The following ZKSCAN2 variants were observed in gnomAD, a reference collection of about 807,000 sequenced individuals.
ZKSCAN2 encodes zinc finger with KRAB and SCAN domains 2.
In ZKSCAN2, 38 loss-of-function variants were observed where a neutral mutation model predicts 90.5. The ratio of observed to expected loss-of-function variants is 0.42; its 90% CI spans 0.32 to 0.55. The LOEUF is 0.55. Among genes scored for constraint, ZKSCAN2 ranks in the 20% least tolerant of loss-of-function variants. The pLI is 0.11. For synonymous variants in ZKSCAN2, 429 were observed against 421.6 expected, an observed-to-expected ratio of 1.02 and a Z score of -0.22; for missense variants, 1,167 against 1,202.6, an observed-to-expected ratio of 0.97 and a Z score of 0.44.
intron 4 of ZKSCAN2, 69 bp downstream of exon 4, chr16:25,251,840 T>G: frequency 1.9e-6 from 3 of 1,552,838 alleles, no homozygotes; most frequent in African/African-American, 1.4e-5. Context: ...CTGCCTATCT[T>G]CTAATCAGTA....
intron 6 of ZKSCAN2, among the ~76,000 whole-genome samples, chr16:25,241,299 C>T (rs1415474248): frequency 2.0e-5 from 3 of 152,216 alleles, no homozygotes; most frequent in Non-Finnish European, 2.9e-5. Flanking sequence ...ACTCTTTTCA[C>T]CTACATCCCA....
At chr16:25,256,588 G>A in intron 1 of ZKSCAN2, 141 bp downstream of exon 1, 7 of 832,290 alleles carry the variant, frequency 8.4e-6, no homozygotes, top group Non-Finnish European at 1.3e-5. Flanking sequence ...CACTTAAAGT[G>A]AAAAGACCCC....
rs747699075 is a variant in ZKSCAN2 at position 25,240,500 on chromosome 16, C to T, written c.2220G>A (p.Arg740=). Residue 740 remains arginine, a synonymous_variant, in exon 7 of 7, where the codon AGG becomes AGA. Coordinates refer to ENST00000328086, the MANE Select transcript of ZKSCAN2 (RefSeq NM_001012981.5). ...RDLGKAVVHQ[R]PFVGKRPYRL... is the part of the protein sequence containing the mutation. ...TGTAGGGTCTCTTCCCCACAAAAGG[C>T]CTCTGATGCACAACGGCTTTCCCTA... The T allele has an allele frequency of 2.5e-6, 4 of 1,614,146 alleles. No individual in the cohort carries two copies. The East Asian group carries it at 6.7e-5, about 27-fold the overall frequency.
At chr16:25,244,863 T>C (rs1291832786) in intron 5 of ZKSCAN2, among the ~76,000 whole-genome samples, 4 of 152,238 alleles carry the variant, frequency 2.6e-5, no homozygotes, top group Admixed American at 2.6e-4. Flanking sequence ...ATGTTCTGCA[T>C]TTATAGCAGA....
In ZKSCAN2 at chr16:25,247,373, ATG is replaced by A; in HGVS notation, c.821_822del (p.Thr274IlefsTer2). The A allele has an allele frequency of 6.2e-7, 1 of 1,608,058 alleles. No homozygotes were observed. Among genetic ancestry groups the A allele is most frequent in the Non-Finnish European group, 8.5e-7 (1 of 1,179,006 alleles). ...TGTTCCAACCGGGTTATCTTGTTAG[ATG>A]TAGACACTGCACTTCCTACAGTAAA... The part of the protein sequence containing the change: ...NVVSLGSAVS[T>X]SNKITRLEQR... On this transcript the variant is annotated frameshift_variant, in exon 5 of 7. Transcript: ENST00000328086. LOFTEE classifies it high-confidence loss of function.
At chr16:25,251,803 A>G (rs1963024939) in intron 4 of ZKSCAN2, 106 bp downstream of exon 4, 2 of 1,352,268 alleles carry the variant, frequency 1.5e-6, no homozygotes. Context: ...CAATCCTTAG[A>G]GATCCTTTAA....
chr16:25,255,756 T>G (rs1963092183), intron 1 of ZKSCAN2, among the ~76,000 whole-genome samples: 1 of 152,122 alleles, frequency 6.6e-6, no homozygotes, highest in Non-Finnish European at 1.5e-5. Flanking sequence ...TAATTTTATA[T>G]TTTTTTAGTA....
chr16:25,252,921 GA>G (rs750316662), intron 3 of ZKSCAN2, 24 bp downstream of exon 3: 61 of 1,589,200 alleles, frequency 3.8e-5, no homozygotes, highest in Non-Finnish European at 4.9e-5. Flanking sequence ...CCATCTCAAA[GA>G]AAAAAAAGAC....
chr16:25,249,061 T>A (rs565559868), intron 4 of ZKSCAN2, among the ~76,000 whole-genome samples: 1 of 152,268 alleles, frequency 6.6e-6, no homozygotes, highest in East Asian at 1.9e-4. Flanking sequence ...ATGACCTCAC[T>A]TTTTTGGCAG....
intron 4 of ZKSCAN2, among the ~76,000 whole-genome samples, chr16:25,251,410 A>G (rs1963018887): frequency 1.3e-5 from 2 of 152,208 alleles, no homozygotes; most frequent in African/African-American, 4.8e-5. Context: ...TGAAAACAAA[A>G]TATTTCATTA....
At chr16:25,243,109 C>T (rs768481257) in intron 6 of ZKSCAN2, among the ~76,000 whole-genome samples, 6 of 152,216 alleles carry the variant, frequency 3.9e-5, no homozygotes, top group Non-Finnish European at 5.9e-5. Context: ...TTGTCTTGCA[C>T]ACCCCATATA....
rs1962796600 is a variant in ZKSCAN2, at chr16:25,238,092, G to A, written c.*1724C>T. The A allele has an allele frequency of 6.6e-6, 1 of 152,160 alleles. No homozygotes were observed. The highest frequency in any genetic ancestry group is 6.5e-5 in the Admixed American group (1 of 15,270). 9.4% of individuals were successfully genotyped at this position (152,160 alleles called of 1,614,324 possible). On this transcript the variant is annotated 3_prime_UTR_variant, in exon 7 of 7. Transcript: ENST00000328086. Reference sequence around the variant, plus strand: ...CTTCCAACAGGCCACACCCTATTCTGGCACCATAAATTAGATTTCTTTCTA... The same window carrying A: ...CTTCCAACAGGCCACACCCTATTCTAGCACCATAAATTAGATTTCTTTCTA...
chr16:25,246,951 G>C lies in ZKSCAN2; in HGVS notation c.1245C>G (p.Pro415=). 1.2e-6 allele frequency: 2 copies of C among 1,614,152 alleles called. No homozygotes were observed. Among genetic ancestry groups the C allele is most frequent in the Non-Finnish European group, 1.7e-6 (2 of 1,180,022 alleles). The change falls in exon 5 of 7, where the codon CCC becomes CCG. Residue 415 remains proline, a synonymous_variant. Transcript: ENST00000328086. ...RKVRNGHMLE[P]CAFFEDMDAL... is the part of the protein sequence containing the mutation. ...CATCCATGTCCTCAAAGAAGGCGCA[G>C]GGTTCTAGCATGTGGCCATTTCTCA... is the stretch of plus-strand genomic sequence containing the variant.
chr16:25,255,213 G>T lies in ZKSCAN2; in HGVS notation c.579C>A (p.Pro193=). 3 of 1,601,160 alleles carry T rather than the reference G, an allele frequency of 1.9e-6. No homozygotes were observed. The highest frequency in any genetic ancestry group is 2.6e-6 in the Non-Finnish European group (3 of 1,176,074). The change falls in exon 2 of 7, where the codon CCC becomes CCA. Residue 193 remains proline (P), a synonymous_variant. Transcript: ENST00000328086. ...LNRKRERRPL[P]KNARPSPWVP... is the part of the protein sequence containing the mutation. ...CCGAGTCTTCCCTCTTACCATTCTTGGGTAAGGGCCGACGTTCTCGCTTTC... is the reference window on the plus strand; with the variant it reads ...CCGAGTCTTCCCTCTTACCATTCTTTGGTAAGGGCCGACGTTCTCGCTTTC...
At chr16:25,242,844 AAG>A (rs981264627) in intron 6 of ZKSCAN2, among the ~76,000 whole-genome samples, 2 of 152,236 alleles carry the variant, frequency 1.3e-5, no homozygotes, top group East Asian at 1.9e-4. Context: ...CAGTCTAGGC[AAG>A]AGAGAGAGAA....
At chr16:25,252,848 G>C (rs1338386952) in intron 3 of ZKSCAN2, 98 bp downstream of exon 3, 1 of 958,180 alleles carries the variant, frequency 1.0e-6, no homozygotes, top group Non-Finnish European at 1.7e-6. Context: ...CCAGGAGGCA[G>C]AGGTGGTTGC....
At chr16:25,248,517 G>T (rs557061338) in intron 4 of ZKSCAN2, among the ~76,000 whole-genome samples, 1 of 152,066 alleles carries the variant, frequency 6.6e-6, no homozygotes, top group East Asian at 1.9e-4. Context: ...TCTTCCCAAA[G>T]AAGACATACA....
rs1459987109 is a variant in ZKSCAN2 at position 25,237,151 on chromosome 16, T to A, written c.*2665A>T. 2.0e-5 allele frequency: 3 copies of A among 152,498 alleles called. No homozygotes were observed. The highest frequency in any genetic ancestry group is 2.9e-5 in the Non-Finnish European group (2 of 68,044). The allele number at this position is 152,498 out of a possible 1,614,324, so 9.4% of individuals were successfully genotyped here. ...AGATCTAGATAAAAAAACCTTTTTC[T>A]ATGAATCTTCATAAAGGCAATGTTA... On this transcript the variant is annotated 3_prime_UTR_variant, in exon 7 of 7. Coordinates refer to ENST00000328086, the MANE Select transcript of ZKSCAN2 (RefSeq NM_001012981.5).
chr16:25,249,443 C>T (rs1348421021), intron 4 of ZKSCAN2, among the ~76,000 whole-genome samples: 1 of 152,084 alleles, frequency 6.6e-6, no homozygotes. Context: ...ACCACCACAC[C>T]TGGCTAATTT....
Sources: gnomAD v4.1 joint callset for allele counts (sites outside exome capture counted in the v4.1 genomes callset) on GRCh38, gnomAD v4.1.1 for gene constraint, MANE v1.5 for transcripts, NCBI Gene and HGNC (gene_info 2026-07-23, HGNC 2026-07-21) for gene names.